MPP7: variants seen among roughly 807,000 people sequenced by gnomAD.
MPP7 encodes MAGUK p55 scaffold protein 7, also known as MAGUK p55 subfamily member 7.
In MPP7, 60 loss-of-function variants were observed where a neutral mutation model predicts 76.5. The observed-to-expected ratio is 0.78, with a 90% CI of 0.64 to 0.97. The LOEUF is 0.97. MPP7 is among the 50% of genes least tolerant of loss of function. The probability of loss-of-function intolerance (pLI) is 0.00; values close to 1 mark genes in which losing one functional copy is unlikely to be tolerated. For missense variants in MPP7, 641 were observed against 694.0 expected (o/e 0.92, Z 0.86); for synonymous variants, 237 against 244.5 (o/e 0.97, Z 0.29).
intron 3 of MPP7, among the ~76,000 whole-genome samples, chr10:28,197,403 G>A (rs1441762432): frequency 6.6e-6 from 1 of 151,802 alleles, no homozygotes; most frequent in Non-Finnish European, 1.5e-5. Context: ...GGCTGGTCTC[G>A]AACTGTTGAC....
chr10:28,119,766 G>A (rs1834771964), intron 10 of MPP7, 51 bp from the exon 11 acceptor site: 3 of 1,407,544 alleles, frequency 2.1e-6, no homozygotes, highest in Non-Finnish European at 2.0e-6. Context: ...CAGGTCCGAG[G>A]TGAATACAAT....
At chr10:28,118,331 A>C (rs953844784) in intron 11 of MPP7, 2 of 976,616 alleles carry the variant, frequency 2.0e-6, no homozygotes, top group African/African-American at 3.5e-5. Flanking sequence ...ATCAATGAAA[A>C]TTTATAATAA....
At chr10:28,294,582 C>A (rs1840997641) in intron 1 of MPP7, among the ~76,000 whole-genome samples, 1 of 152,152 alleles carries the variant, frequency 6.6e-6, no homozygotes, top group Non-Finnish European at 1.5e-5. Flanking sequence ...TTACTAGGAT[C>A]CACAAACTTT....
At chr10:28,318,749 C>G (rs1834341945) in intron 2 of MPP7, among the ~76,000 whole-genome samples, 1 of 152,112 alleles carries the variant, frequency 6.6e-6, no homozygotes, top group Admixed American at 6.6e-5. Context: ...GATACATAGC[C>G]CTGCCCTTCT....
chr10:28,235,044 A>G (rs566741965), intron 2 of MPP7, among the ~76,000 whole-genome samples: 1 of 152,186 alleles, frequency 6.6e-6, no homozygotes, highest in Non-Finnish European at 1.5e-5. Context: ...TTCTGGACTC[A>G]AGAGATCCAC....
intron 3 of MPP7, among the ~76,000 whole-genome samples, chr10:28,195,668 T>C (rs1212123496): frequency 6.6e-6 from 1 of 152,200 alleles, no homozygotes; most frequent in East Asian, 1.9e-4. Flanking sequence ...TATATGAAAT[T>C]TCCAGGATAG....
intron 11 of MPP7, among the ~76,000 whole-genome samples, chr10:28,101,325 A>G (rs1216580586): frequency 6.6e-6 from 1 of 152,172 alleles, no homozygotes; most frequent in Non-Finnish European, 1.5e-5. Context: ...TCTTTAATAA[A>G]ATGATTGAAT....
At chr10:28,305,300 G>T (rs1841246166), upstream of MPP7, 1 of 152,220 alleles carries the variant, frequency 6.6e-6, no homozygotes, top group Non-Finnish European at 1.5e-5. Context: ...GACCTCGTAG[G>T]CAATGGTAAC....
At chr10:28,207,103 C>T (rs535711374) in intron 2 of MPP7, among the ~76,000 whole-genome samples, 10 of 151,948 alleles carry the variant, frequency 6.6e-5, no homozygotes, top group African/African-American at 2.4e-4. Flanking sequence ...TTTGTAAGAA[C>T]TTCAATATAA....
rs1041765523 is a variant in MPP7 at position 28,316,307 on chromosome 10, C to T, written c.-132+13622G>A. On this transcript the variant is annotated intron_variant, in intron 2 of 11. Transcript: ENST00000441595. Reference sequence around the variant, plus strand: ...CAAAAATTAGCCGGGCATGGTGGCACGCCTGTAATCCCAGCTACTCAGGAG... The same window carrying T: ...CAAAAATTAGCCGGGCATGGTGGCATGCCTGTAATCCCAGCTACTCAGGAG... Among the ~76,000 whole-genome samples the T allele has an allele frequency of 1.1e-4, 16 of 151,796 alleles. No individual in the cohort carries two copies. In the East Asian group the frequency reaches 1.4e-3, roughly 13 times the overall value.
chr10:28,262,269 A>T lies in MPP7; in HGVS notation c.-131-23534T>A, dbSNP rs1427144493. ...CATATATATATATATGTATATATAT[A>T]TATATATATTTTTTTTTTTTTCTTC... On this transcript the variant is annotated intron_variant, in intron 1 of 16. Coordinates refer to ENST00000683449, the MANE Select transcript of MPP7 (RefSeq NM_001318170.2). Among the ~76,000 whole-genome samples the T allele has an allele frequency of 5.4e-5, 3 of 55,334 alleles. 1 individual carries two copies. The highest frequency in any genetic ancestry group is 2.7e-4 in the African/African-American group (3 of 11,214). The allele number at this position is 55,334 out of a possible 152,430, so 36.3% of individuals were successfully genotyped here.
chr10:28,242,751 T>C (rs887701368), intron 1 of MPP7, among the ~76,000 whole-genome samples: 2 of 152,216 alleles, frequency 1.3e-5, no homozygotes, highest in Non-Finnish European at 2.9e-5. Context: ...CACCTGAGCA[T>C]GAGTCAGGAT....
rs1421885068 is a variant in MPP7, at chr10:28,051,314, C to A, written c.*2751G>T. The A allele has an allele frequency of 6.6e-6, 1 of 152,112 alleles. No individual in the cohort carries two copies. The highest frequency in any genetic ancestry group is 1.5e-5 in the Non-Finnish European group (1 of 67,994). The allele number at this position is 152,112 out of a possible 1,614,324, so 9.4% of individuals were successfully genotyped here. A position where few individuals can be genotyped will look rare whatever the true frequency, so the allele number is the denominator to read the frequency against. ...GTAAGTCTGAGAAGGTTATGTTTGT[C>A]AGTTTCAAATTATTACAGTTTAGAT... On this transcript the variant is annotated 3_prime_UTR_variant, in exon 17 of 17. Coordinates refer to ENST00000683449, the MANE Select transcript of MPP7 (RefSeq NM_001318170.2).
chr10:28,140,892 A>G (rs1835494553), intron 5 of MPP7, among the ~76,000 whole-genome samples: 1 of 152,200 alleles, frequency 6.6e-6, no homozygotes, highest in Non-Finnish European at 1.5e-5. Flanking sequence ...CAGAATTCCA[A>G]CACATAGTAA....
chr10:28,161,743 A>T (rs1836271108), intron 3 of MPP7, among the ~76,000 whole-genome samples: 1 of 152,196 alleles, frequency 6.6e-6, no homozygotes, highest in South Asian at 2.1e-4. Context: ...TTATTTTCTA[A>T]GAAAATTATT....
chr10:28,202,919 G>C (rs1392749413), intron 2 of MPP7: 2 of 152,104 alleles, frequency 1.3e-5, no homozygotes, highest in African/African-American at 4.8e-5. Context: ...AGTAACAGAT[G>C]CGGGTTACTC....
At chr10:28,175,639 C>T (rs909818519) in intron 3 of MPP7, among the ~76,000 whole-genome samples, 4 of 152,086 alleles carry the variant, frequency 2.6e-5, no homozygotes, top group African/African-American at 7.2e-5. Context: ...ACCATACTTA[C>T]GAACACTTTA....
At chr10:28,255,825 G>A (rs1839766940) in intron 1 of MPP7, among the ~76,000 whole-genome samples, 1 of 152,150 alleles carries the variant, frequency 6.6e-6, no homozygotes, top group African/African-American at 2.4e-5. Flanking sequence ...AGCACTCTCA[G>A]GTTTATGGAC....
chr10:28,227,715 T>C (rs1838743034), intron 2 of MPP7, among the ~76,000 whole-genome samples: 1 of 152,218 alleles, frequency 6.6e-6, no homozygotes, highest in South Asian at 2.1e-4. Flanking sequence ...TTATCCAGTC[T>C]ATCATTGATG....
Sources: gnomAD v4.1 joint callset for allele counts (sites outside exome capture counted in the v4.1 genomes callset) on GRCh38, gnomAD v4.1.1 for gene constraint, MANE v1.5 for transcripts, NCBI Gene and HGNC (gene_info 2026-07-23, HGNC 2026-07-21) for gene names.